The following RALGAPA2 variants were observed in gnomAD, a reference collection of about 807,000 sequenced individuals.
RALGAPA2 encodes ral GTPase-activating protein subunit alpha-2.
RALGAPA2 carries 139 observed loss-of-function variants against 230.4 expected under a neutral mutation model. The observed-to-expected ratio is 0.60, with a 90% CI of 0.53 to 0.69. The LOEUF is 0.69. Among genes scored for constraint, RALGAPA2 ranks in the 30% least tolerant of loss-of-function variants. The pLI is 0.00. For synonymous variants in RALGAPA2, 847 were observed against 837.8 expected (o/e 1.01, Z -0.19); for missense variants, 2,163 against 2,276.0 (o/e 0.95, Z 1.01).
chr20:20,622,503 C>T (rs2066354109), intron 10 of RALGAPA2, among the ~76,000 whole-genome samples: 3 of 152,332 alleles, frequency 2.0e-5, no homozygotes, highest in Non-Finnish European at 2.9e-5. Flanking sequence ...AACCACGTGA[C>T]TTTCGATGAC....
chr20:20,526,115 T>TA (rs1873726403), intron 28 of RALGAPA2, 137 bp downstream of exon 28: 2 of 703,676 alleles, frequency 2.8e-6, no homozygotes, highest in Non-Finnish European at 4.6e-6. Context: ...CAGTCTAACT[T>TA]AATCTTAAAA....
intron 16 of RALGAPA2, among the ~76,000 whole-genome samples, chr20:20,595,518 C>A (rs1331142635): frequency 6.6e-6 from 1 of 152,122 alleles, no homozygotes; most frequent in African/African-American, 2.4e-5. Context: ...GTTTGCCATA[C>A]CATTCCAATA....
At chr20:20,619,611 A>G (rs1020029907) in intron 11 of RALGAPA2, among the ~76,000 whole-genome samples, 197 bp from the exon 12 acceptor site, 3 of 152,256 alleles carry the variant, frequency 2.0e-5, no homozygotes, top group Non-Finnish European at 4.4e-5. Flanking sequence ...CAACACCTAA[A>G]ATAGTGCTCA....
At chr20:20,669,669 T>G (rs1288512554) in intron 3 of RALGAPA2, among the ~76,000 whole-genome samples, 1 of 152,230 alleles carries the variant, frequency 6.6e-6, no homozygotes, top group African/African-American at 2.4e-5. Context: ...TGCCCTCAGT[T>G]CTGTCTCTGT....
intron 1 of RALGAPA2, among the ~76,000 whole-genome samples, chr20:20,696,764 C>T (rs1194815645): frequency 6.6e-6 from 1 of 152,180 alleles, no homozygotes; most frequent in Admixed American, 6.5e-5. Flanking sequence ...CTTGCTTAAC[C>T]CAGGTCTCAG....
At chr20:20,417,206 G>A (rs1033192077) in intron 37 of RALGAPA2, among the ~76,000 whole-genome samples, 53 of 152,130 alleles carry the variant, frequency 3.5e-4, no homozygotes, top group Admixed American at 3.1e-3. Flanking sequence ...GAAAACCTCT[G>A]GCTAAATAGC....
chr20:20,394,700 G>C (rs1792098014), intron 39 of RALGAPA2, among the ~76,000 whole-genome samples: 1 of 151,964 alleles, frequency 6.6e-6, no homozygotes, highest in Non-Finnish European at 1.5e-5. Flanking sequence ...AGGCAGCACA[G>C]CTAGACCATC....
At chr20:20,629,205 G>A (rs1476009865) in intron 10 of RALGAPA2, among the ~76,000 whole-genome samples, 158 bp downstream of exon 10, 1 of 152,114 alleles carries the variant, frequency 6.6e-6, no homozygotes, top group African/African-American at 2.4e-5. Flanking sequence ...AAAGATTAGA[G>A]GGATCGTTCT....
intron 37 of RALGAPA2, among the ~76,000 whole-genome samples, chr20:20,469,656 T>C (rs540634173): frequency 6.6e-6 from 1 of 152,194 alleles, no homozygotes; most frequent in Admixed American, 6.5e-5. Context: ...CTGCATATTG[T>C]GTGGCAACCT....
At chr20:20,511,575 T>C (rs979891739) in intron 32 of RALGAPA2, among the ~76,000 whole-genome samples, 6 of 152,196 alleles carry the variant, frequency 3.9e-5, no homozygotes, top group Admixed American at 3.9e-4. Context: ...CTTACATGCA[T>C]GTGCCTGTGT....
intron 23 of RALGAPA2, among the ~76,000 whole-genome samples, chr20:20,547,846 G>C (rs1209802994): frequency 6.6e-6 from 1 of 152,150 alleles, no homozygotes; most frequent in Non-Finnish European, 1.5e-5. Flanking sequence ...CACAAACCTA[G>C]ATGGTAGATG....
In RALGAPA2 at chr20:20,513,141, G is replaced by A. The variant is rs762053546; in HGVS notation, c.4228C>T (p.His1410Tyr). ...SLVSENHDNA[H>Y]VEGSELSFEV... ...AAGGACAGCTCGGAGCCTTCCACAT[G>A]GGCATTGTCATGGTTCTCGCTGACA... The change falls in exon 32 of 40, where the codon CAT (histidine) becomes TAT (tyrosine). Residue 1410 changes from histidine to tyrosine, a missense_variant. His to Tyr is a moderately conservative substitution (Grantham distance 83). Transcript: ENST00000202677. 6.4e-7 allele frequency: 1 copy of A among 1,562,702 alleles called. No homozygotes were observed. The highest frequency in any genetic ancestry group is 8.6e-7 in the Non-Finnish European group (1 of 1,157,964).
chr20:20,469,440 T>A (rs2061492179), intron 37 of RALGAPA2, among the ~76,000 whole-genome samples: 1 of 152,210 alleles, frequency 6.6e-6, no homozygotes, highest in Middle Eastern at 3.2e-3. Context: ...ATATGTTAAC[T>A]GAAAATGAAA....
At position 20,464,463 on chromosome 20, in the gene RALGAPA2, T is replaced by C. The variant is rs76140873; in HGVS notation, c.5495+8366A>G. Among the ~76,000 whole-genome samples, 345 of 152,308 alleles carry C rather than the reference T, an allele frequency of 2.3e-3. 12 individuals carry two copies. The East Asian group carries it at 0.062, about 27-fold the overall frequency. ...ATGAAATTAGGCCTTTTCAGACACT[T>C]CTTTCTGACCCAGGTCTAGAGAGTC... is the stretch of plus-strand genomic sequence containing the variant. On this transcript the variant is annotated intron_variant, in intron 37 of 39. Coordinates refer to ENST00000202677, the MANE Select transcript of RALGAPA2 (RefSeq NM_020343.4).
intron 37 of RALGAPA2, among the ~76,000 whole-genome samples, chr20:20,459,115 G>A (rs1027479483): frequency 6.6e-5 from 10 of 151,762 alleles, no homozygotes; most frequent in African/African-American, 9.7e-5. Context: ...AAAATACACT[G>A]AGCTTAGATG....
At chr20:20,514,443 C>G (rs1261850170) in intron 31 of RALGAPA2, among the ~76,000 whole-genome samples, 2 of 152,160 alleles carry the variant, frequency 1.3e-5, no homozygotes, top group Non-Finnish European at 2.9e-5. Flanking sequence ...TCTCTCCATC[C>G]CTCCTCTGCC....
At chr20:20,410,050 GT>G (rs1305110932) in intron 38 of RALGAPA2, among the ~76,000 whole-genome samples, 2 of 152,208 alleles carry the variant, frequency 1.3e-5, no homozygotes, top group Non-Finnish European at 1.5e-5. Flanking sequence ...GATATTCCAT[GT>G]TTGGTTTCAC....
intron 37 of RALGAPA2, among the ~76,000 whole-genome samples, chr20:20,456,559 A>C (rs892164141): frequency 6.6e-6 from 1 of 152,216 alleles, no homozygotes; most frequent in African/African-American, 2.4e-5. Flanking sequence ...TGCTATTGTG[A>C]AGAAGCTGGC....
chr20:20,618,474 A>T (rs2066218972), intron 12 of RALGAPA2, among the ~76,000 whole-genome samples: 2 of 146,870 alleles, frequency 1.4e-5, no homozygotes, highest in Admixed American at 1.3e-4. Context: ...CTGCTAATTC[A>T]CTTGAAAAAA....
Sources: gnomAD v4.1 joint callset for allele counts (sites outside exome capture counted in the v4.1 genomes callset) on GRCh38, gnomAD v4.1.1 for gene constraint, MANE v1.5 for transcripts, NCBI Gene and HGNC (gene_info 2026-07-23, HGNC 2026-07-21) for gene names.